Variants in AGBL4 observed in about 807,000 individuals in gnomAD.
AGBL4 encodes the protein AGBL carboxypeptidase 4.
In AGBL4, 58 loss-of-function variants were observed where a neutral mutation model predicts 66.4. That is an observed-to-expected ratio of 0.87 (90% CI 0.71 to 1.09). The LOEUF (loss-of-function observed/expected upper bound fraction) is 1.09, where lower values mean the gene tolerates loss of function less well. Ranked by LOEUF, AGBL4 falls within the 50% of genes least tolerant of loss-of-function variation. The probability of loss-of-function intolerance (pLI) is 0.00; values close to 1 mark genes in which losing one functional copy is unlikely to be tolerated. For synonymous variants in AGBL4, 234 were observed against 222.9 expected, an observed-to-expected ratio of 1.05 and a Z score of -0.44; for missense variants, 579 against 631.0, an observed-to-expected ratio of 0.92 and a Z score of 0.88.
intron 3 of AGBL4, among the ~76,000 whole-genome samples, chr1:49,538,798 C>G (rs2148821801): frequency 6.6e-6 from 1 of 152,226 alleles, no homozygotes; most frequent in African/African-American, 2.4e-5. Context: ...CATTAATGTT[C>G]TCAAGGATTT....
intron 3 of AGBL4, among the ~76,000 whole-genome samples, chr1:49,597,589 G>A (rs1248492312): frequency 2.6e-5 from 4 of 152,274 alleles, no homozygotes; most frequent in South Asian, 4.1e-4. Context: ...GAAAGACAAA[G>A]TGATGCAAAA....
chr1:49,347,253 T>TTTC (rs1491550992), intron 3 of AGBL4, among the ~76,000 whole-genome samples: 3 of 22,392 alleles, frequency 1.3e-4, no homozygotes, highest in South Asian at 1.1e-3. Context: ...TCTTTCTTTC[T>TTTC]TTTTTTTTTT....
At chr1:48,662,256 T>C (rs1646118985) in intron 7 of AGBL4, among the ~76,000 whole-genome samples, 1 of 152,344 alleles carries the variant, frequency 6.6e-6, no homozygotes, top group Non-Finnish European at 1.5e-5. Context: ...GGGTGTGCTG[T>C]TTATATTCAT....
At chr1:48,677,256 A>C (rs1049507686) in intron 6 of AGBL4, among the ~76,000 whole-genome samples, 1 of 152,244 alleles carries the variant, frequency 6.6e-6, no homozygotes, top group African/African-American at 2.4e-5. Context: ...ATAGACGTGC[A>C]GTGTCTCAGG....
chr1:49,737,662 G>A (rs1350899460), intron 2 of AGBL4, among the ~76,000 whole-genome samples: 1 of 152,078 alleles, frequency 6.6e-6, no homozygotes, highest in Non-Finnish European at 1.5e-5. Context: ...ATCTGTATGT[G>A]TACTCCTGCA....
intron 3 of AGBL4, among the ~76,000 whole-genome samples, chr1:49,655,943 T>G (rs1646119813): frequency 6.6e-6 from 1 of 151,922 alleles, no homozygotes; most frequent in African/African-American, 2.4e-5. Flanking sequence ...GGTCAGCAGT[T>G]CAAGACCAGC....
chr1:49,000,447 C>T (rs1003836358), intron 5 of AGBL4, among the ~76,000 whole-genome samples: 1 of 152,188 alleles, frequency 6.6e-6, no homozygotes, highest in Non-Finnish European at 1.5e-5. Context: ...ATTGCTATAC[C>T]TCCAGCCTCC....
chr1:49,726,074 A>G (rs548660547), intron 2 of AGBL4, among the ~76,000 whole-genome samples: 1 of 152,232 alleles, frequency 6.6e-6, no homozygotes, highest in East Asian at 1.9e-4. Flanking sequence ...AACACTATAA[A>G]TATAGTGAAG....
chr1:49,294,650 T>C (rs1310844273), intron 3 of AGBL4, among the ~76,000 whole-genome samples: 1 of 152,296 alleles, frequency 6.6e-6, no homozygotes. Context: ...TAGCCCAGCT[T>C]TTCCAGACTA....
chr1:49,839,863 G>A (rs1645946023), intron 2 of AGBL4, among the ~76,000 whole-genome samples: 1 of 152,166 alleles, frequency 6.6e-6, no homozygotes, highest in Non-Finnish European at 1.5e-5. Flanking sequence ...ATAATTCTAT[G>A]AGGGAAATTC....
intron 2 of AGBL4, among the ~76,000 whole-genome samples, chr1:49,782,314 G>T (rs1644355590): frequency 6.6e-6 from 1 of 152,016 alleles, no homozygotes; most frequent in South Asian, 2.1e-4. Flanking sequence ...AGAATTATAA[G>T]ATCATACTAT....
chr1:48,733,117 A>T (rs1484981454), intron 6 of AGBL4, among the ~76,000 whole-genome samples: 1 of 152,190 alleles, frequency 6.6e-6, no homozygotes. Flanking sequence ...TCGTCTTTCC[A>T]GGAGCCTGCA....
At chr1:48,785,651 A>T (rs1357040880) in intron 6 of AGBL4, among the ~76,000 whole-genome samples, 1 of 152,224 alleles carries the variant, frequency 6.6e-6, no homozygotes, top group Non-Finnish European at 1.5e-5. Context: ...ACAGTCACAC[A>T]TGGTGGTCAT....
intron 6 of AGBL4, among the ~76,000 whole-genome samples, chr1:48,705,073 A>G (rs1046592058): frequency 6.6e-6 from 1 of 152,226 alleles, no homozygotes; most frequent in Non-Finnish European, 1.5e-5. Context: ...TTATGGGACC[A>G]CTGTTGTACA....
chr1:48,756,114 A>G (rs962674015), intron 6 of AGBL4, among the ~76,000 whole-genome samples: 3 of 152,206 alleles, frequency 2.0e-5, no homozygotes, highest in South Asian at 2.1e-4. Flanking sequence ...GTGTGTCACA[A>G]GGCTGTAATA....
At chr1:48,612,392 AG>A (rs1645251951) in intron 9 of AGBL4, among the ~76,000 whole-genome samples, 1 of 152,246 alleles carries the variant, frequency 6.6e-6, no homozygotes, top group South Asian at 2.1e-4. Flanking sequence ...TGGAAAGTTC[AG>A]GGGAAGGAAA....
chr1:48,596,178 C>G (rs928634643), intron 9 of AGBL4, among the ~76,000 whole-genome samples: 3 of 152,196 alleles, frequency 2.0e-5, no homozygotes, highest in African/African-American at 7.2e-5. Flanking sequence ...CTCACAGGAG[C>G]TTGCAGCCTA....
chr1:49,281,949 C>A (rs1323897261), intron 3 of AGBL4, among the ~76,000 whole-genome samples: 1 of 152,206 alleles, frequency 6.6e-6, no homozygotes, highest in Non-Finnish European at 1.5e-5. Context: ...GCTGTGGAAA[C>A]TGCCAATTTA....
intron 3 of AGBL4, among the ~76,000 whole-genome samples, chr1:49,528,637 G>A (rs1309614980): frequency 1.3e-5 from 2 of 152,040 alleles, no homozygotes; most frequent in African/African-American, 2.4e-5. Context: ...ATGAAGCTCT[G>A]GGAGCACAAA....
Sources: gnomAD v4.1 joint callset for allele counts (sites outside exome capture counted in the v4.1 genomes callset) on GRCh38, gnomAD v4.1.1 for gene constraint, MANE v1.5 for transcripts, NCBI Gene and HGNC (gene_info 2026-07-23, HGNC 2026-07-21) for gene names.